The following PCCA variants were observed in gnomAD, a reference collection of about 807,000 sequenced individuals.
PCCA encodes the protein propionyl-CoA carboxylase alpha chain, mitochondrial.
PCCA carries 74 observed loss-of-function variants against 101.3 expected under a neutral mutation model. The ratio of observed to expected loss-of-function variants is 0.73; its 90% CI spans 0.61 to 0.89. PCCA has a LOEUF of 0.89. Among genes scored for constraint, PCCA ranks in the 40% least tolerant of loss-of-function variants. PCCA has a pLI of 0.00. For missense variants in PCCA, 891 were observed against 907.0 expected (o/e 0.98, Z 0.23); for synonymous variants, 294 against 313.6 (o/e 0.94, Z 0.66).
chr13:100,523,459 C>T (rs545025797), intron 22 of PCCA, among the ~76,000 whole-genome samples: 38 of 152,230 alleles, frequency 2.5e-4, no homozygotes, highest in Non-Finnish European at 3.7e-4. Flanking sequence ...GCTGGCTTTA[C>T]GGGATTTGAT....
intron 6 of PCCA, among the ~76,000 whole-genome samples, chr13:100,195,751 A>G (rs2058064979): frequency 6.6e-6 from 1 of 152,228 alleles, no homozygotes. Flanking sequence ...CTTAAACATT[A>G]GGAACTCAGA....
chr13:100,494,849 A>G (rs2085165200), intron 21 of PCCA, among the ~76,000 whole-genome samples: 1 of 152,030 alleles, frequency 6.6e-6, no homozygotes, highest in East Asian at 1.9e-4. Context: ...ACTTCTGGAA[A>G]GCTCACCATT....
At chr13:100,368,075 T>C (rs1014121713) in intron 18 of PCCA, among the ~76,000 whole-genome samples, 3 of 152,334 alleles carry the variant, frequency 2.0e-5, no homozygotes, top group African/African-American at 7.2e-5. Flanking sequence ...AGAGGTTCAT[T>C]GTTTAATACA....
At chr13:100,309,251 G>T (rs2066714331) in intron 15 of PCCA, among the ~76,000 whole-genome samples, 1 of 152,146 alleles carries the variant, frequency 6.6e-6, no homozygotes, top group African/African-American at 2.4e-5. Flanking sequence ...AAAAAAATTA[G>T]CTGGGCGTGG....
At chr13:100,502,546 C>G (rs2085760211) in intron 21 of PCCA, among the ~76,000 whole-genome samples, 2 of 152,334 alleles carry the variant, frequency 1.3e-5, no homozygotes, top group African/African-American at 4.8e-5. Flanking sequence ...GTAGGCCTTT[C>G]TCATTTTTGA....
chr13:100,449,177 T>A (rs1302051807), intron 20 of PCCA, 75 bp from the exon 21 acceptor site: 6 of 873,554 alleles, frequency 6.9e-6, no homozygotes, highest in Non-Finnish European at 1.1e-5. Context: ...ACATTTGGGT[T>A]TTTTGGCTAT....
chr13:100,498,083 T>A (rs1227820465), intron 21 of PCCA, among the ~76,000 whole-genome samples: 1 of 151,908 alleles, frequency 6.6e-6, no homozygotes, highest in African/African-American at 2.4e-5. Context: ...CCCAGGCTGG[T>A]CTCAAACTTC....
intron 11 of PCCA, among the ~76,000 whole-genome samples, chr13:100,269,275 A>G (rs2063148646): frequency 6.6e-6 from 1 of 152,214 alleles, no homozygotes; most frequent in African/African-American, 2.4e-5. Context: ...AATGTGTAAA[A>G]GGGAGAGAAT....
chr13:100,259,257 G>T (rs1018349215), intron 9 of PCCA, among the ~76,000 whole-genome samples: 2 of 151,552 alleles, frequency 1.3e-5, no homozygotes, highest in Non-Finnish European at 2.9e-5. Flanking sequence ...ATGTTTTTTG[G>T]GGGGAAGTAG....
chr13:100,196,342 T>C (rs1477062124), intron 6 of PCCA, among the ~76,000 whole-genome samples: 1 of 152,120 alleles, frequency 6.6e-6, no homozygotes, highest in African/African-American at 2.4e-5. Context: ...AAACAGAAAG[T>C]TTTCTATTGC....
intron 21 of PCCA, chr13:100,480,500 A>G (rs1294931350): frequency 2.0e-5 from 3 of 152,254 alleles, no homozygotes; most frequent in Non-Finnish European, 4.4e-5. Context: ...CTATTCAGCC[A>G]TAGCCTGGTC....
At chr13:100,264,791 T>C (rs1038997839) in intron 10 of PCCA, among the ~76,000 whole-genome samples, 1 of 152,204 alleles carries the variant, frequency 6.6e-6, no homozygotes, top group South Asian at 2.1e-4. Flanking sequence ...GTTGTGCTAA[T>C]GTATACTCCC....
At chr13:100,250,679 A>C (rs2152545998) in intron 8 of PCCA, among the ~76,000 whole-genome samples, 1 of 152,084 alleles carries the variant, frequency 6.6e-6, no homozygotes. Context: ...CTATCTCTTA[A>C]TTGTTGATTG....
intron 17 of PCCA, among the ~76,000 whole-genome samples, chr13:100,331,575 A>G (rs188375539): frequency 6.6e-6 from 1 of 152,326 alleles, no homozygotes; most frequent in African/African-American, 2.4e-5. Context: ...CTCAACAGAG[A>G]TAACTGATTT....
chr13:100,308,503 T>G (rs1234906314), intron 15 of PCCA, among the ~76,000 whole-genome samples: 1 of 151,952 alleles, frequency 6.6e-6, no homozygotes, highest in African/African-American at 2.4e-5. Flanking sequence ...TTTTTATATC[T>G]TTTGTAGAAA....
chr13:100,273,488 A>C, intron 12 of PCCA, 142 bp downstream of exon 12: 1 of 699,890 alleles, frequency 1.4e-6, no homozygotes, highest in East Asian at 2.7e-5. Context: ...GTGCTAAGAC[A>C]TCTGTTAGGA....
chr13:100,530,365 A>ATGATT lies in PCCA; in HGVS notation c.*202_*206dup, dbSNP rs1206975896. On this transcript the variant is annotated 3_prime_UTR_variant, in exon 24 of 24. Transcript: ENST00000376285. ...TTCATTGATATAAATACTTGTACAT[A>ATGATT]TGATTTGTACTTCTGCTGTGAGATT... 1.6e-6 allele frequency: 1 copy of ATGATT among 632,270 alleles called. No individual in the cohort carries two copies. The highest frequency in any genetic ancestry group is 2.9e-6 in the Non-Finnish European group (1 of 350,346). 39.2% of individuals were successfully genotyped at this position (632,270 alleles called of 1,614,324 possible).
At chr13:100,262,499 G>A (rs141914160) in intron 9 of PCCA, among the ~76,000 whole-genome samples, 1 of 152,158 alleles carries the variant, frequency 6.6e-6, no homozygotes, top group Non-Finnish European at 1.5e-5. Flanking sequence ...TGGTCACAGA[G>A]TTAGTGAGTG....
At chr13:100,276,266 G>A (rs1003476256) in intron 12 of PCCA, among the ~76,000 whole-genome samples, 9 of 144,958 alleles carry the variant, frequency 6.2e-5, no homozygotes, top group Non-Finnish European at 1.2e-4. Context: ...AGTTTGGCCA[G>A]TATTTTTTTC....
Sources: allele counts gnomAD v4.1 joint callset (sites outside exome capture counted in the v4.1 genomes callset), GRCh38; gene constraint gnomAD v4.1.1; transcripts MANE v1.5; gene names NCBI Gene and HGNC (gene_info 2026-07-23, HGNC 2026-07-21).